XPR1: variants seen among roughly 807,000 people sequenced by gnomAD.
XPR1 encodes the protein xenotropic and polytropic retrovirus receptor 1.
A neutral mutation model predicts 87.5 loss-of-function variants in XPR1; 28 were observed. The ratio of observed to expected loss-of-function variants is 0.32; its 90% CI spans 0.24 to 0.44. The LOEUF (loss-of-function observed/expected upper bound fraction) is 0.44, where lower values mean the gene tolerates loss of function less well. Ranked by LOEUF, XPR1 falls within the 20% of genes least tolerant of loss-of-function variation. The pLI is 1.00. For missense variants in XPR1, 559 were observed against 862.3 expected, an observed-to-expected ratio of 0.65 and a Z score of 4.41; for synonymous variants, 300 against 306.1, an observed-to-expected ratio of 0.98 and a Z score of 0.21.
chr1:180,824,552 G>A (rs1650757070), intron 7 of XPR1, among the ~76,000 whole-genome samples: 2 of 152,124 alleles, frequency 1.3e-5, no homozygotes, highest in African/African-American at 4.8e-5. Flanking sequence ...TTGCACTCCA[G>A]CCTGGCAACA....
At chr1:180,721,221 C>CAA (rs113624114) in intron 2 of XPR1, among the ~76,000 whole-genome samples, 1 of 107,704 alleles carries the variant, frequency 9.3e-6, no homozygotes. Flanking sequence ...AACTCTGTCT[C>CAA]AAAAAAAAAA....
At chr1:180,779,518 G>A (rs1005552682) in intron 2 of XPR1, among the ~76,000 whole-genome samples, 7 of 152,120 alleles carry the variant, frequency 4.6e-5, no homozygotes, top group Non-Finnish European at 8.8e-5. Context: ...ATTTTGGGAG[G>A]CTGAGGCAGG....
intron 2 of XPR1, among the ~76,000 whole-genome samples, chr1:180,747,543 A>T (rs1647305532): frequency 6.6e-6 from 1 of 152,212 alleles, no homozygotes; most frequent in African/African-American, 2.4e-5. Context: ...TTCCCACCTA[A>T]TGGATTCTCA....
chr1:180,866,450 T>C (rs1404440067), intron 12 of XPR1, among the ~76,000 whole-genome samples: 1 of 152,212 alleles, frequency 6.6e-6, no homozygotes, highest in East Asian at 1.9e-4. Flanking sequence ...ATATTCACAC[T>C]TAATTTTTCT....
At chr1:180,673,573 G>A (rs1656259421) in intron 1 of XPR1, among the ~76,000 whole-genome samples, 1 of 152,182 alleles carries the variant, frequency 6.6e-6, no homozygotes, top group African/African-American at 2.4e-5. Flanking sequence ...GTAAGCAGTG[G>A]GCCAGTGTGT....
chr1:180,658,027 T>G (rs1380122132), intron 1 of XPR1, among the ~76,000 whole-genome samples: 3 of 152,198 alleles, frequency 2.0e-5, no homozygotes, highest in Non-Finnish European at 4.4e-5. Flanking sequence ...AATTCCTAGG[T>G]ATTTAATTTT....
chr1:180,877,230 T>C (rs573069422), intron 13 of XPR1, among the ~76,000 whole-genome samples: 3 of 152,246 alleles, frequency 2.0e-5, no homozygotes, highest in Admixed American at 1.3e-4. Context: ...GCCAAGACTA[T>C]CCTGAAAAGA....
rs112800737 is a variant in XPR1 at position 180,878,793 on chromosome 1, TAC to T, written c.1809-1281_1809-1280del. Among the ~76,000 whole-genome samples the T allele has an allele frequency of 1.6e-3, 238 of 152,340 alleles. 1 individual carries two copies. Among genetic ancestry groups the T allele is most frequent in the African/African-American group, 5.4e-3 (224 of 41,576 alleles). Reference sequence around the variant, plus strand: ...TTTCTTCACTTGACTTCTCAGAAACTACAGTCTCCTGTCTCACTAGCTATTCC... The same window carrying T: ...TTTCTTCACTTGACTTCTCAGAAACTAGTCTCCTGTCTCACTAGCTATTCC... On this transcript the variant is annotated intron_variant, in intron 13 of 14. Transcript: ENST00000367590.
chr1:180,880,874 A>G (rs563803194), intron 14 of XPR1, among the ~76,000 whole-genome samples: 1 of 152,346 alleles, frequency 6.6e-6, no homozygotes, highest in African/African-American at 2.4e-5. Context: ...GTATGTTGCT[A>G]AAAGTTACCA....
intron 2 of XPR1, among the ~76,000 whole-genome samples, chr1:180,695,408 TTGTGTG>T (rs1205037869): frequency 1.8e-4 from 27 of 148,540 alleles, no homozygotes; most frequent in South Asian, 1.1e-3. Context: ...GTAGTCCCAT[TTGTGTG>T]TGTGTGTGTG....
chr1:180,770,597 A>T (rs977785472), intron 2 of XPR1, among the ~76,000 whole-genome samples: 2 of 152,140 alleles, frequency 1.3e-5, no homozygotes, highest in Non-Finnish European at 2.9e-5. Flanking sequence ...TTTATCCAAC[A>T]TTTTTAGATG....
intron 3 of XPR1, among the ~76,000 whole-genome samples, chr1:180,798,794 G>C (rs1203367223): frequency 1.3e-5 from 2 of 151,958 alleles, no homozygotes; most frequent in African/African-American, 4.8e-5. Flanking sequence ...TTGTAATCTT[G>C]GTAGAGATCT....
intron 2 of XPR1, among the ~76,000 whole-genome samples, chr1:180,737,517 C>CA (rs1209590252): frequency 6.6e-6 from 1 of 152,088 alleles, no homozygotes; most frequent in East Asian, 1.9e-4. Flanking sequence ...TGAATTTAAA[C>CA]ACAGATGTAA....
intron 7 of XPR1, among the ~76,000 whole-genome samples, chr1:180,819,628 T>G (rs1191744313): frequency 6.6e-6 from 1 of 152,214 alleles, no homozygotes; most frequent in Non-Finnish European, 1.5e-5. Context: ...CTATTTCGCT[T>G]TCTTTTATGT....
intron 2 of XPR1, among the ~76,000 whole-genome samples, chr1:180,720,548 G>A (rs951701099): frequency 1.1e-4 from 17 of 152,170 alleles, no homozygotes; most frequent in African/African-American, 4.1e-4. Flanking sequence ...GTTTTATATG[G>A]CATGAAAAAT....
chr1:180,807,938 A>G (rs1362208356), intron 6 of XPR1, among the ~76,000 whole-genome samples: 1 of 152,196 alleles, frequency 6.6e-6, no homozygotes, highest in African/African-American at 2.4e-5. Flanking sequence ...CAGGAGGTGG[A>G]GGTTGCAGTG....
At chr1:180,761,575 C>G (rs1318728844) in intron 2 of XPR1, among the ~76,000 whole-genome samples, 2 of 152,164 alleles carry the variant, frequency 1.3e-5, no homozygotes, top group East Asian at 3.9e-4. Context: ...AATGAGATAC[C>G]ATCTCACACC....
At chr1:180,670,571 C>CT (rs1289852958) in intron 1 of XPR1, among the ~76,000 whole-genome samples, 5 of 152,094 alleles carry the variant, frequency 3.3e-5, no homozygotes, top group African/African-American at 1.2e-4. Flanking sequence ...TGCCCAGAAA[C>CT]TTAAAATAAT....
intron 11 of XPR1, among the ~76,000 whole-genome samples, chr1:180,841,314 A>G (rs143081679): frequency 2.0e-5 from 3 of 151,918 alleles, no homozygotes; most frequent in Admixed American, 6.6e-5. Flanking sequence ...GCTCAAGGAC[A>G]TGTAATTTGT....
Sources: allele counts gnomAD v4.1 joint callset (sites outside exome capture counted in the v4.1 genomes callset), GRCh38; gene constraint gnomAD v4.1.1; transcripts MANE v1.5; gene names NCBI Gene and HGNC (gene_info 2026-07-23, HGNC 2026-07-21).